RPS6KL1: variants seen among roughly 807,000 people sequenced by gnomAD.
RPS6KL1 encodes ribosomal protein S6 kinase like 1.
In RPS6KL1, 41 loss-of-function variants were observed where a neutral mutation model predicts 57.0. That is an observed-to-expected ratio of 0.72 (90% confidence interval 0.56 to 0.93). RPS6KL1 has a LOEUF of 0.93. Among genes scored for constraint, RPS6KL1 ranks in the 40% least tolerant of loss-of-function variants. The probability of loss-of-function intolerance (pLI) is 0.00; values close to 1 mark genes in which losing one functional copy is unlikely to be tolerated. For synonymous variants in RPS6KL1, 287 were observed against 309.7 expected, an observed-to-expected ratio of 0.93 and a Z score of 0.77; for missense variants, 697 against 727.7, an observed-to-expected ratio of 0.96 and a Z score of 0.49.
At position 74,905,896 on chromosome 14, in the gene RPS6KL1, G is replaced by A. The variant is rs1161734574; in HGVS notation, c.*1118C>T. On this transcript the variant is annotated 3_prime_UTR_variant, in exon 12 of 12. Transcript: ENST00000557413. ...GGGATGCTGGCAGGGAGGAGCTGAG[G>A]GCAAAACTCTAGTGGAAATTTCCCA... is the stretch of plus-strand genomic sequence containing the variant. 1 of 153,130 alleles carries A rather than the reference G, an allele frequency of 6.5e-6. No individual in the cohort carries two copies. The highest frequency in any genetic ancestry group is 1.5e-5 in the Non-Finnish European group (1 of 68,768). 9.5% of individuals were successfully genotyped at this position (153,130 alleles called of 1,614,324 possible).
At chr14:74,909,265 C>T (rs1231322037) in intron 8 of RPS6KL1, 75 bp from the exon 9 acceptor site, 3 of 1,419,520 alleles carry the variant, frequency 2.1e-6, no homozygotes, top group Non-Finnish European at 3.0e-6. Flanking sequence ...GCAGGGCTTC[C>T]CCCAACAGTC....
chr14:74,904,000 T>C lies in RPS6KL1; in HGVS notation c.*3014A>G, dbSNP rs529610683. On this transcript the variant is annotated 3_prime_UTR_variant, in exon 12 of 12. Coordinates refer to ENST00000557413, the MANE Select transcript of RPS6KL1 (RefSeq NM_031464.5). Reference sequence around the variant, plus strand: ...TTCTGAGCCAAGTGTGAGTGACTGATGGCCTGTGATACAACTCTTAGGAGA... The same window carrying C: ...TTCTGAGCCAAGTGTGAGTGACTGACGGCCTGTGATACAACTCTTAGGAGA... 3 of 152,368 alleles carry C rather than the reference T, an allele frequency of 2.0e-5. No homozygotes were observed. The East Asian group carries it at 5.8e-4, about 29-fold the overall frequency. The allele number at this position is 152,368 out of a possible 1,614,324, so 9.4% of individuals were successfully genotyped here. A position where few individuals can be genotyped will look rare whatever the true frequency, so the allele number is the denominator to read the frequency against.
Position 74,922,355 on chromosome 14 carries a change from C to T in RPS6KL1, c.-398G>A, listed in dbSNP as rs79271297. The stretch of plus-strand genomic sequence containing the variant: ...ATCTCATTTACCCTTTGGGGTTTAG[C>T]ACTTCTCCGTGGACCGGATGGATTG... On this transcript the variant is annotated 5_prime_UTR_variant, in exon 2 of 12. Coordinates refer to ENST00000557413, the MANE Select transcript of RPS6KL1 (RefSeq NM_031464.5). 7.7e-5 allele frequency: 76 copies of T among 986,056 alleles called. 1 individual carries two copies. In the East Asian group the frequency reaches 8.5e-3, roughly 110 times the overall value. 61.1% of individuals were successfully genotyped at this position (986,056 alleles called of 1,614,324 possible).
chr14:74,906,409 T>TGCG lies in RPS6KL1; in HGVS notation c.*604_*605insCGC, dbSNP rs1555375175. The TGCG allele has an allele frequency of 5.6e-5, 9 of 161,648 alleles. 1 individual carries two copies. The East Asian group carries it at 5.7e-4, about 10-fold the overall frequency. 10.0% of individuals were successfully genotyped at this position (161,648 alleles called of 1,614,324 possible). ...AGGGGGCATGGTCAGGAATCGGGGG[T>TGCG]GGGGGGGTGGGGGTGGGGGTCATCC... is the stretch of plus-strand genomic sequence containing the variant. On this transcript the variant is annotated 3_prime_UTR_variant, in exon 12 of 12. Transcript: ENST00000557413.
rs760618097 is a variant in RPS6KL1, at chr14:74,909,880, G to A, written c.933C>T (p.Ser311=). The part of the protein sequence containing the change: ...EAEGEPTART[S]TSGSSDLPKA... ...TTGGAAGGTCCGAGGAGCCAGAGGTGCTGGTCCTGGCTGTGGGTTCACCTT... is the reference window on the plus strand; with the variant it reads ...TTGGAAGGTCCGAGGAGCCAGAGGTACTGGTCCTGGCTGTGGGTTCACCTT... Residue 311 remains serine (S), a synonymous_variant, in exon 8 of 12, where the codon AGC becomes AGT. Coordinates refer to ENST00000557413, the MANE Select transcript of RPS6KL1 (RefSeq NM_031464.5). 6.2e-7 allele frequency: 1 copy of A among 1,613,904 alleles called. No homozygotes were observed. Among genetic ancestry groups the A allele is most frequent in the South Asian group, 1.1e-5 (1 of 91,072 alleles).
chr14:74,909,092 C>A lies in RPS6KL1; in HGVS notation c.1360+9G>T, dbSNP rs139071487. ...TGCTAAGGCCCACCCTGGCCTCCCCCCTTCTTGCCTGGGGCGCTGTAGAGA... is the reference window on the plus strand; with the variant it reads ...TGCTAAGGCCCACCCTGGCCTCCCCACTTCTTGCCTGGGGCGCTGTAGAGA... On this transcript the variant is annotated intron_variant, in intron 9 of 11. Coordinates refer to ENST00000557413, the MANE Select transcript of RPS6KL1 (RefSeq NM_031464.5). The A allele has an allele frequency of 5.3e-5, 86 of 1,613,798 alleles. No homozygotes were observed. The highest frequency in any genetic ancestry group is 4.5e-4 in the East Asian group (20 of 44,884).
rs897012610 is a variant in RPS6KL1 at position 74,921,413 on chromosome 14, G to A, written c.129C>T (p.Asp43=). 6.2e-7 allele frequency: 1 copy of A among 1,614,276 alleles called. No homozygotes were observed. The highest frequency in any genetic ancestry group is 1.6e-4 in the Middle Eastern group (1 of 6,062). The change falls in exon 3 of 12, where the codon GAC becomes GAT. Residue 43 remains aspartate (D), a synonymous_variant. Transcript: ENST00000557413. ...CCACCAGATAGTCACGTTTTGTCAT[G>A]TCAGGCACTCCCAGAGCCACCCTGT... is the stretch of plus-strand genomic sequence containing the variant. ...IRNRVALGVP[D]MTKRDYLVDA... is the part of the protein sequence containing the mutation.
At chr14:74,916,021 A>C (rs747640092) in intron 5 of RPS6KL1, among the ~76,000 whole-genome samples, 17 of 151,938 alleles carry the variant, frequency 1.1e-4, no homozygotes, top group African/African-American at 2.2e-4. Context: ...CACCCACCTC[A>C]CTGCTCCCTG....
intron 11 of RPS6KL1, 155 bp downstream of exon 11, chr14:74,907,280 G>T: frequency 7.2e-7 from 1 of 1,398,550 alleles, no homozygotes. Context: ...GTGGTGGTTG[G>T]CCACCAACAT....
intron 9 of RPS6KL1, 77 bp from the exon 10 acceptor site, chr14:74,909,009 C>T: frequency 6.4e-7 from 1 of 1,568,416 alleles, no homozygotes; most frequent in Non-Finnish European, 8.8e-7. Flanking sequence ...ACCCAGACAC[C>T]ACCCACCCGC....
chr14:74,909,076 C>T (rs766513676), intron 9 of RPS6KL1, 25 bp downstream of exon 9: 45 of 1,610,756 alleles, frequency 2.8e-5, no homozygotes, highest in Non-Finnish European at 3.7e-5. Flanking sequence ...GTGCTAAGGC[C>T]CACCCTGGCC....
In RPS6KL1 at chr14:74,910,051, G is replaced by T. The variant is rs183802134; in HGVS notation, c.762C>A (p.Asn254Lys). Residue 254 changes from asparagine to lysine, a missense_variant, in exon 8 of 12, where the codon AAC becomes AAA. Coordinates refer to ENST00000557413, the MANE Select transcript of RPS6KL1 (RefSeq NM_031464.5). Reference sequence around the variant, plus strand: ...CTGGGGTCAGGAGGTTGAGGTGGGGGTTGAGCTGAGCCTTCATCCTCTCCT... The same window carrying T: ...CTGGGGTCAGGAGGTTGAGGTGGGGTTTGAGCTGAGCCTTCATCCTCTCCT... The part of the protein sequence containing the change: ...STQERMKAQL[N>K]PHLNLLTPAR... 726 of 1,612,540 alleles carry T rather than the reference G, an allele frequency of 4.5e-4. No homozygotes were observed. The highest frequency in any genetic ancestry group is 5.9e-4 in the Non-Finnish European group (695 of 1,179,602).
rs1204739137 is a variant in RPS6KL1 at position 74,910,110 on chromosome 14, A to G, written c.703T>C (p.Ser235Pro). 6.3e-7 allele frequency: 1 copy of G among 1,577,854 alleles called. No individual in the cohort carries two copies. Residue 235 changes from serine (S) to proline (P), a missense_variant, in exon 8 of 12, where the codon TCC becomes CCC. Ser to Pro is a moderately conservative substitution (Grantham distance 74). Coordinates refer to ENST00000557413, the MANE Select transcript of RPS6KL1 (RefSeq NM_031464.5). The part of the protein sequence containing the change: ...LWSHLLSQAH[S>P]RHSGLSSGST... Reference sequence around the variant, plus strand: ...CCAGAGCTGAGCCCAGAATGTCGGGAGTGCGCCTGGGAGAGCAGGTGGGAC... The same window carrying G: ...CCAGAGCTGAGCCCAGAATGTCGGGGGTGCGCCTGGGAGAGCAGGTGGGAC...
At chr14:74,908,017 T>A (rs952782722) in intron 10 of RPS6KL1, among the ~76,000 whole-genome samples, 2 of 152,074 alleles carry the variant, frequency 1.3e-5, no homozygotes, top group African/African-American at 4.8e-5. Context: ...GAGGGAAGTA[T>A]GAGCTTCCAG....
Sources: allele counts gnomAD v4.1 joint callset (sites outside exome capture counted in the v4.1 genomes callset), GRCh38; gene constraint gnomAD v4.1.1; transcripts MANE v1.5; gene names NCBI Gene and HGNC (gene_info 2026-07-23, HGNC 2026-07-21).